MYO1B: variants seen among roughly 807,000 people sequenced by gnomAD.
The protein encoded by MYO1B is myosin IB, also known as unconventional myosin-Ib.
A neutral mutation model predicts 159.7 loss-of-function variants in MYO1B; 72 were observed. That is an observed-to-expected ratio of 0.45 (90% CI 0.37 to 0.55). MYO1B has a LOEUF of 0.55. Ranked by LOEUF, MYO1B falls within the 20% of genes least tolerant of loss-of-function variation. The probability of loss-of-function intolerance (pLI) is 0.00; values close to 1 mark genes in which losing one functional copy is unlikely to be tolerated. For missense variants in MYO1B, 1,062 were observed against 1,364.8 expected (o/e 0.78, Z 3.50); for synonymous variants, 468 against 473.8 (o/e 0.99, Z 0.16).
chr2:191,387,751 G>T, intron 17 of MYO1B: 1 of 384,770 alleles, frequency 2.6e-6, no homozygotes, highest in Non-Finnish European at 4.8e-6. Flanking sequence ...TTAATGGCAA[G>T]TTAAAAAACA....
At position 191,390,284 on chromosome 2, in the gene MYO1B, T is replaced by C. The variant is rs758877054; in HGVS notation, c.1782-8T>C. 2.5e-5 allele frequency: 40 copies of C among 1,609,550 alleles called. No homozygotes were observed. Among genetic ancestry groups the C allele is most frequent in the Non-Finnish European group, 3.2e-5 (38 of 1,176,854 alleles). ...AGTTTATAACCTAAAATCTTTGTGA[T>C]CTTTAAGGTGTATCAAACCGAATGA... On this transcript the variant is annotated splice_polypyrimidine_tract_variant and splice_region_variant and intron_variant, in intron 17 of 30. Transcript: ENST00000392318.
chr2:191,252,389 T>C (rs757728666), intron 1 of MYO1B, among the ~76,000 whole-genome samples: 14 of 152,238 alleles, frequency 9.2e-5, no homozygotes, highest in Non-Finnish European at 1.9e-4. Context: ...GTTAGACTCC[T>C]GATGTCAGCT....
intron 2 of MYO1B, among the ~76,000 whole-genome samples, chr2:191,284,662 T>C (rs959673326): frequency 6.6e-6 from 1 of 152,180 alleles, no homozygotes; most frequent in African/African-American, 2.4e-5. Context: ...AGACAGAGTC[T>C]AGCTCTGTCC....
At chr2:191,417,226 G>A (rs1322187931) in intron 30 of MYO1B, among the ~76,000 whole-genome samples, 1 of 152,154 alleles carries the variant, frequency 6.6e-6, no homozygotes, top group Non-Finnish European at 1.5e-5. Context: ...ATTTTGCAGT[G>A]CTGTGGGCTT....
intron 3 of MYO1B, among the ~76,000 whole-genome samples, chr2:191,329,689 G>A (rs1316808523): frequency 6.7e-6 from 1 of 148,332 alleles, no homozygotes; most frequent in Non-Finnish European, 1.5e-5. Flanking sequence ...AAAAAATAAA[G>A]CATATCATTA....
intron 3 of MYO1B, among the ~76,000 whole-genome samples, chr2:191,327,879 A>G (rs1691205276): frequency 6.6e-6 from 1 of 152,206 alleles, no homozygotes; most frequent in Non-Finnish European, 1.5e-5. Context: ...ATGCACTTAG[A>G]GTATACAGTA....
chr2:191,258,659 T>G (rs981536086), intron 1 of MYO1B, among the ~76,000 whole-genome samples: 4 of 152,180 alleles, frequency 2.6e-5, no homozygotes, highest in Non-Finnish European at 5.9e-5. Context: ...TATAGCTGCT[T>G]ATTTGCTTTT....
At chr2:191,247,117 C>A (rs1685841050) in intron 1 of MYO1B, among the ~76,000 whole-genome samples, 1 of 152,088 alleles carries the variant, frequency 6.6e-6, no homozygotes, top group Non-Finnish European at 1.5e-5. Flanking sequence ...GCTGACATTT[C>A]CAGGCATTCA....
intron 13 of MYO1B, among the ~76,000 whole-genome samples, chr2:191,373,697 C>A (rs886923370): frequency 6.6e-6 from 1 of 152,208 alleles, no homozygotes; most frequent in African/African-American, 2.4e-5. Context: ...ATCGCTTGAA[C>A]CTGGGAGGCG....
At chr2:191,356,225 T>G (rs370768016) in intron 7 of MYO1B, among the ~76,000 whole-genome samples, 7 of 152,254 alleles carry the variant, frequency 4.6e-5, no homozygotes, top group African/African-American at 1.7e-4. Context: ...TTCTCAGTAG[T>G]GAGTGGATAT....
At chr2:191,423,345 G>A (rs1574668146) in intron 30 of MYO1B, among the ~76,000 whole-genome samples, 1 of 152,254 alleles carries the variant, frequency 6.6e-6, no homozygotes, top group East Asian at 1.9e-4. Context: ...TAAAAATACA[G>A]TATAAAAGAC....
intron 7 of MYO1B, among the ~76,000 whole-genome samples, chr2:191,357,668 C>T (rs933311657): frequency 1.3e-5 from 2 of 152,076 alleles, no homozygotes; most frequent in Non-Finnish European, 2.9e-5. Flanking sequence ...AAGAGAAGGC[C>T]GTGCCAATGT....
At chr2:191,295,492 C>T (rs571003991) in intron 2 of MYO1B, among the ~76,000 whole-genome samples, 11 of 151,944 alleles carry the variant, frequency 7.2e-5, no homozygotes, top group Non-Finnish European at 1.5e-4. Flanking sequence ...CTGGAAAGTA[C>T]CTTTAAATTT....
intron 3 of MYO1B, among the ~76,000 whole-genome samples, chr2:191,313,474 T>G (rs1690151876): frequency 2.0e-5 from 3 of 152,072 alleles, no homozygotes; most frequent in African/African-American, 7.2e-5. Context: ...AAGCTCCGCC[T>G]CCCGGGTTCA....
intron 4 of MYO1B, among the ~76,000 whole-genome samples, chr2:191,340,185 T>G (rs1692121556): frequency 6.6e-6 from 1 of 151,982 alleles, no homozygotes; most frequent in African/African-American, 2.4e-5. Flanking sequence ...AACAACTAAT[T>G]AGGACAGCCC....
At chr2:191,365,189 A>G (rs1481293092) in intron 11 of MYO1B, among the ~76,000 whole-genome samples, 1 of 152,182 alleles carries the variant, frequency 6.6e-6, no homozygotes, top group Non-Finnish European at 1.5e-5. Context: ...TGGCTTACGC[A>G]TTTTACCACC....
chr2:191,373,107 CCCAA>C (rs1214277197), intron 13 of MYO1B, among the ~76,000 whole-genome samples: 1 of 152,070 alleles, frequency 6.6e-6, no homozygotes, highest in African/African-American at 2.4e-5. Context: ...ACCTCAGCCT[CCCAA>C]AGTGCAGGGA....
intron 2 of MYO1B, among the ~76,000 whole-genome samples, chr2:191,287,525 C>T (rs1688448715): frequency 6.7e-6 from 1 of 149,362 alleles, no homozygotes; most frequent in African/African-American, 2.5e-5. Context: ...AGTGAAACTC[C>T]GTCTCAAAAA....
chr2:191,321,548 A>G (rs1228175135), intron 3 of MYO1B, among the ~76,000 whole-genome samples: 3 of 152,318 alleles, frequency 2.0e-5, no homozygotes, highest in Non-Finnish European at 2.9e-5. Flanking sequence ...TTAAGAGCTT[A>G]TTGAATTTGA....
Sources: allele counts gnomAD v4.1 joint callset (sites outside exome capture counted in the v4.1 genomes callset), GRCh38; gene constraint gnomAD v4.1.1; transcripts MANE v1.5; gene names NCBI Gene and HGNC (gene_info 2026-07-23, HGNC 2026-07-21).